The following HS3ST4 variants were observed in gnomAD, a reference collection of about 807,000 sequenced individuals.
The protein encoded by HS3ST4 is heparan sulfate glucosamine 3-O-sulfotransferase 4.
In HS3ST4, 17 loss-of-function variants were observed where a neutral mutation model predicts 29.2. The ratio of observed to expected loss-of-function variants is 0.58; its 90% CI spans 0.40 to 0.87. The LOEUF (loss-of-function observed/expected upper bound fraction) is 0.87, where lower values mean the gene tolerates loss of function less well. HS3ST4 is among the 40% of genes least tolerant of loss of function. HS3ST4 has a pLI of 0.00. For synonymous variants in HS3ST4, 314 were observed against 285.7 expected, an observed-to-expected ratio of 1.10 and a Z score of -1.00; for missense variants, 627 against 634.5, an observed-to-expected ratio of 0.99 and a Z score of 0.13.
chr16:26,090,037 AATAGGGCTTAC>A (rs1898836595), intron 1 of HS3ST4, among the ~76,000 whole-genome samples: 1 of 152,162 alleles, frequency 6.6e-6, no homozygotes, highest in Admixed American at 6.6e-5. Context: ...TAATTTTCTT[AATAGGGCTTAC>A]ATGAAATAAT....
chr16:26,018,351 G>A (rs181074236), intron 1 of HS3ST4, among the ~76,000 whole-genome samples: 13 of 152,266 alleles, frequency 8.5e-5, no homozygotes, highest in Admixed American at 2.0e-4. Flanking sequence ...AGGATTGGTC[G>A]GAACTAACAG....
intron 1 of HS3ST4, among the ~76,000 whole-genome samples, chr16:26,049,441 G>A (rs74013245): frequency 2.6e-5 from 4 of 151,250 alleles, no homozygotes; most frequent in African/African-American, 7.3e-5. Flanking sequence ...CCGTGCATTT[G>A]TACTAGTTGC....
chr16:25,844,063 A>C (rs1342118076), intron 1 of HS3ST4, among the ~76,000 whole-genome samples: 1 of 141,324 alleles, frequency 7.1e-6, no homozygotes, highest in East Asian at 2.0e-4. Flanking sequence ...CTGAACAGGT[A>C]AGGCAGATTT....
At chr16:25,817,377 T>C (rs889404019) in intron 1 of HS3ST4, among the ~76,000 whole-genome samples, 1 of 152,196 alleles carries the variant, frequency 6.6e-6, no homozygotes, top group Non-Finnish European at 1.5e-5. Context: ...AGATAGGAAG[T>C]GTTTTAGGTT....
chr16:25,874,619 C>T (rs1373622608), intron 1 of HS3ST4, among the ~76,000 whole-genome samples: 2 of 152,316 alleles, frequency 1.3e-5, no homozygotes. Context: ...GTTTACCTAT[C>T]CACTCTTCCA....
chr16:25,829,581 C>A (rs1967272736), intron 1 of HS3ST4, among the ~76,000 whole-genome samples: 1 of 151,914 alleles, frequency 6.6e-6, no homozygotes, highest in Non-Finnish European at 1.5e-5. Flanking sequence ...TTGCCCCGAC[C>A]CTGCAACAGG....
At chr16:25,870,015 G>A (rs2141658791) in intron 1 of HS3ST4, among the ~76,000 whole-genome samples, 1 of 152,212 alleles carries the variant, frequency 6.6e-6, no homozygotes, top group Non-Finnish European at 1.5e-5. Flanking sequence ...ATATTCACAG[G>A]TTGAAGTCAT....
At chr16:25,765,064 G>A (rs1450270153) in intron 1 of HS3ST4, among the ~76,000 whole-genome samples, 2 of 152,234 alleles carry the variant, frequency 1.3e-5, no homozygotes, top group African/African-American at 4.8e-5. Context: ...ATGTTTTTGA[G>A]CTCTCTTGAC....
chr16:26,120,286 A>G (rs55706297), intron 1 of HS3ST4, among the ~76,000 whole-genome samples: 31,692 of 152,044 alleles, frequency 0.21, 4,067 homozygotes, highest in African/African-American at 0.35. Context: ...TTAGTATTTC[A>G]TGCACCCCAA....
At chr16:25,901,835 A>G (rs190193509) in intron 1 of HS3ST4, among the ~76,000 whole-genome samples, 1 of 151,948 alleles carries the variant, frequency 6.6e-6, no homozygotes, top group Non-Finnish European at 1.5e-5. Flanking sequence ...CATTTTTTCC[A>G]TTACAGAATT....
chr16:25,879,595 T>C (rs542273014), intron 1 of HS3ST4, among the ~76,000 whole-genome samples: 61 of 151,912 alleles, frequency 4.0e-4, no homozygotes, highest in African/African-American at 1.4e-3. Context: ...TCACACTGGG[T>C]CGCTCCCACA....
intron 1 of HS3ST4, among the ~76,000 whole-genome samples, chr16:25,871,177 T>A (rs114485066): frequency 0.018 from 2,769 of 152,026 alleles, 81 homozygotes; most frequent in African/African-American, 0.063. Flanking sequence ...GTGATGGAGG[T>A]GGCAGGGACA....
At chr16:26,096,169 A>AGAG (rs1898923662) in intron 1 of HS3ST4, among the ~76,000 whole-genome samples, 1 of 152,240 alleles carries the variant, frequency 6.6e-6, no homozygotes, top group South Asian at 2.1e-4. Flanking sequence ...AGAGGTACAA[A>AGAG]GAGGAGCTGG....
chr16:26,046,418 T>C (rs1471431793), intron 1 of HS3ST4, among the ~76,000 whole-genome samples: 1 of 152,170 alleles, frequency 6.6e-6, no homozygotes, highest in Non-Finnish European at 1.5e-5. Context: ...CCCAAAGTGC[T>C]GGGATTACAG....
intron 1 of HS3ST4, among the ~76,000 whole-genome samples, chr16:26,041,670 C>T (rs1596660234): frequency 6.6e-6 from 1 of 151,322 alleles, no homozygotes; most frequent in East Asian, 1.9e-4. Context: ...GCTGTCGAGA[C>T]ATAGAAAAAA....
intron 1 of HS3ST4, among the ~76,000 whole-genome samples, chr16:26,014,707 G>A (rs902759173): frequency 6.6e-6 from 1 of 152,160 alleles, no homozygotes; most frequent in South Asian, 2.1e-4. Context: ...GTATTCCATG[G>A]TGTATATGTG....
chr16:25,803,755 T>A (rs771621663), intron 1 of HS3ST4, among the ~76,000 whole-genome samples: 10 of 152,194 alleles, frequency 6.6e-5, no homozygotes, highest in Non-Finnish European at 1.5e-4. Context: ...TTTGTTTCAT[T>A]GTTTCTGACA....
At chr16:25,884,685 C>T (rs971648589) in intron 1 of HS3ST4, among the ~76,000 whole-genome samples, 4 of 152,152 alleles carry the variant, frequency 2.6e-5, no homozygotes, top group Non-Finnish European at 5.9e-5. Context: ...CCTGCCTCAG[C>T]CTCCCGAGTA....
chr16:26,095,986 C>T (rs989907333), intron 1 of HS3ST4, among the ~76,000 whole-genome samples: 6 of 152,142 alleles, frequency 3.9e-5, no homozygotes, highest in East Asian at 1.9e-4. Context: ...ATACTATAAA[C>T]GCCTCTATGC....
Sources: allele counts gnomAD v4.1 joint callset (sites outside exome capture counted in the v4.1 genomes callset), GRCh38; gene constraint gnomAD v4.1.1; transcripts MANE v1.5; gene names NCBI Gene and HGNC (gene_info 2026-07-23, HGNC 2026-07-21).